The following SNX31 variants were observed in gnomAD, a reference collection of about 807,000 sequenced individuals.
The protein encoded by SNX31 is sorting nexin-31.
In SNX31, 58 loss-of-function variants were observed where a neutral mutation model predicts 65.4. That is an observed-to-expected ratio of 0.89 (90% CI 0.72 to 1.10). The LOEUF (loss-of-function observed/expected upper bound fraction) is 1.10, where lower values mean the gene tolerates loss of function less well. Among genes scored for constraint, SNX31 ranks in the 50% least tolerant of loss-of-function variants. The pLI is 0.00. For synonymous variants in SNX31, 181 were observed against 190.1 expected, an observed-to-expected ratio of 0.95 and a Z score of 0.39; for missense variants, 523 against 529.7, an observed-to-expected ratio of 0.99 and a Z score of 0.12.
chr8:100,649,499 A>ATGCTGG lies in SNX31; in HGVS notation c.15_16insCCAGCA (p.Phe5_Cys6insProAla). 1 of 1,576,370 alleles carries ATGCTGG rather than the reference A, an allele frequency of 6.3e-7. No individual in the cohort carries two copies. Among genetic ancestry groups the ATGCTGG allele is most frequent in the South Asian group, 1.2e-5 (1 of 86,156 alleles). ...GACCGCTGCTGGGACACCGGGATAC[A>ATGCTGG]GAAATGCATCTTCATGGCTGAGCGG... On this transcript the variant is annotated inframe_insertion, in exon 1 of 14. Transcript: ENST00000311812.
chr8:100,606,279 C>T (rs1265767828), intron 8 of SNX31, among the ~76,000 whole-genome samples: 3 of 152,180 alleles, frequency 2.0e-5, no homozygotes, highest in African/African-American at 7.2e-5. Context: ...AAGTAATCCA[C>T]CTGCTTCAGC....
rs181991121 is a variant in SNX31, at chr8:100,573,156, A to T, written c.*709T>A. Reference sequence around the variant, plus strand: ...GGTGCAGAGCCTTATTGCTTTCCAAATTAAAACATTCCAAATAGCATGTTG... The same window carrying T: ...GGTGCAGAGCCTTATTGCTTTCCAATTTAAAACATTCCAAATAGCATGTTG... On this transcript the variant is annotated 3_prime_UTR_variant, in exon 14 of 14. Transcript: ENST00000311812. 1.2e-4 allele frequency: 18 copies of T among 149,208 alleles called. No homozygotes were observed. Among genetic ancestry groups the T allele is most frequent in the African/African-American group, 4.7e-4 (18 of 38,232 alleles). 9.2% of individuals were successfully genotyped at this position (149,208 alleles called of 1,614,324 possible). A position where few individuals can be genotyped will look rare whatever the true frequency, so the allele number is the denominator to read the frequency against.
At chr8:100,593,428 G>A (rs1814769536) in intron 10 of SNX31, among the ~76,000 whole-genome samples, 1 of 152,078 alleles carries the variant, frequency 6.6e-6, no homozygotes, top group Non-Finnish European at 1.5e-5. Context: ...TTGGGGATGG[G>A]GGGATAACCA....
intron 12 of SNX31, among the ~76,000 whole-genome samples, chr8:100,581,338 T>TATAC (rs1813523060): frequency 4.5e-5 from 5 of 111,780 alleles, no homozygotes; most frequent in African/African-American, 1.9e-4. Flanking sequence ...TCTATCTATC[T>TATAC]ATATATATAT....
In SNX31 at chr8:100,625,585, C is replaced by A. The variant is rs1373811672; in HGVS notation, c.321+4742G>T. Among the ~76,000 whole-genome samples, 1 of 152,124 alleles carries A rather than the reference C, an allele frequency of 6.6e-6. No individual in the cohort carries two copies. Among genetic ancestry groups the A allele is most frequent in the Admixed American group, 6.5e-5 (1 of 15,268 alleles). Reference sequence around the variant, plus strand: ...CTCTGTCCTGCCCTCTCTTTAGAAGCAAACAGAAAACAATGAAAAGGAAAG... The same window carrying A: ...CTCTGTCCTGCCCTCTCTTTAGAAGAAAACAGAAAACAATGAAAAGGAAAG... On this transcript the variant is annotated intron_variant, in intron 4 of 13. Coordinates refer to ENST00000311812, the MANE Select transcript of SNX31 (RefSeq NM_152628.4). The surrounding 1 kb of genome is among the most constrained non-coding windows in gnomAD (Gnocchi z 4.2).
rs1157979555 is a variant in SNX31 at position 100,573,192 on chromosome 8, T to TGAAG, written c.*672_*673insCTTC. ...CCAAATAGCATGTTGATTATTGAACTGCCTTCAGTACTCTAAGGACAGAAT... is the reference window on the plus strand; with the variant it reads ...CCAAATAGCATGTTGATTATTGAACTGAAGGCCTTCAGTACTCTAAGGACAGAAT... On this transcript the variant is annotated 3_prime_UTR_variant, in exon 14 of 14. Coordinates refer to ENST00000311812, the MANE Select transcript of SNX31 (RefSeq NM_152628.4). 13 of 149,224 alleles carry TGAAG rather than the reference T, an allele frequency of 8.7e-5. No individual in the cohort carries two copies. Among genetic ancestry groups the TGAAG allele is most frequent in the Non-Finnish European group, 1.6e-4 (11 of 68,012 alleles). 9.2% of individuals were successfully genotyped at this position (149,224 alleles called of 1,614,324 possible).
rs1819757074 is a variant in SNX31, at chr8:100,648,036, T to C, written c.141+1238A>G. Among the ~76,000 whole-genome samples the C allele has an allele frequency of 6.6e-6, 1 of 152,250 alleles. No individual in the cohort carries two copies. The highest frequency in any genetic ancestry group is 1.5e-5 in the Non-Finnish European group (1 of 68,050). ...AAAGATGACCACTCAAATTAACTAG[T>C]AACCACATTACAACTGTTCTTGGTT... is the stretch of plus-strand genomic sequence containing the variant. On this transcript the variant is annotated intron_variant, in intron 2 of 13. Coordinates refer to ENST00000311812, the MANE Select transcript of SNX31 (RefSeq NM_152628.4). This position sits in a 1 kb window ranked among gnomAD's most constrained non-coding sequence, Gnocchi z 4.3.
chr8:100,646,892 T>C (rs893633506), intron 2 of SNX31, among the ~76,000 whole-genome samples: 4 of 152,246 alleles, frequency 2.6e-5, no homozygotes, highest in African/African-American at 7.2e-5. Flanking sequence ...ATTAATGTAA[T>C]AGGTCAGAGC....
chr8:100,608,259 G>A (rs1162443902), intron 8 of SNX31, among the ~76,000 whole-genome samples: 1 of 152,088 alleles, frequency 6.6e-6, no homozygotes, highest in African/African-American at 2.4e-5. Context: ...CTGCTATTTA[G>A]AGCTCAAACT....
At chr8:100,621,621 A>C (rs983290478) in intron 4 of SNX31, among the ~76,000 whole-genome samples, 3 of 152,136 alleles carry the variant, frequency 2.0e-5, no homozygotes, top group Non-Finnish European at 2.9e-5. Flanking sequence ...GGCTCCTTAC[A>C]AGTCTCCTTG....
intron 10 of SNX31, 43 bp from the exon 11 acceptor site, chr8:100,589,022 C>T (rs778857528): frequency 2.0e-6 from 3 of 1,516,782 alleles, no homozygotes; most frequent in African/African-American, 1.4e-5. Context: ...ATTTAAATGC[C>T]TATTAATTTG....
At chr8:100,584,836 G>A (rs892348739) in intron 11 of SNX31, among the ~76,000 whole-genome samples, 10 of 144,206 alleles carry the variant, frequency 6.9e-5, no homozygotes, top group Non-Finnish European at 1.3e-4. Flanking sequence ...TGCAACCCCC[G>A]CCTCCTTGGT....
intron 8 of SNX31, 40 bp from the exon 9 acceptor site, chr8:100,600,481 G>A (rs749602050): frequency 6.5e-7 from 1 of 1,531,510 alleles, no homozygotes; most frequent in Non-Finnish European, 9.0e-7. Context: ...AGTCTTAGCA[G>A]AAATTAATCA....
At position 100,613,352 on chromosome 8, in the gene SNX31, A is replaced by T. The variant is rs1443582213; in HGVS notation, c.433-267T>A. On this transcript the variant is annotated intron_variant, in intron 5 of 13. Transcript: ENST00000311812. The surrounding 1 kb of genome is among the most constrained non-coding windows in gnomAD (Gnocchi z 5.2). Reference sequence around the variant, plus strand: ...GCCCCAAGTTGAGGTTGGTCATCCCATCTCAGATGTGGACTCACTCCCGGA... The same window carrying T: ...GCCCCAAGTTGAGGTTGGTCATCCCTTCTCAGATGTGGACTCACTCCCGGA... Among the ~76,000 whole-genome samples the T allele has an allele frequency of 1.3e-5, 2 of 152,196 alleles. No homozygotes were observed. The highest frequency in any genetic ancestry group is 4.8e-5 in the African/African-American group (2 of 41,446).
chr8:100,581,426 C>T (rs1423752532), intron 12 of SNX31, among the ~76,000 whole-genome samples: 1 of 149,638 alleles, frequency 6.7e-6, no homozygotes, highest in Admixed American at 6.7e-5. Flanking sequence ...TTTGCTTGAC[C>T]CAAATTTTAA....
chr8:100,584,019 G>T, intron 12 of SNX31, 92 bp downstream of exon 12: 2 of 1,131,832 alleles, frequency 1.8e-6, no homozygotes, highest in Non-Finnish European at 2.6e-6. Context: ...AGACCTGCTG[G>T]CTCAGGGAGC....
rs1434519340 is a variant in SNX31 at position 100,576,537 on chromosome 8, T to C, written c.1227+482A>G. ...AGGAATGTGTTAATTCACATAAAAG[T>C]GCTTAGAATACTGCCTGGCAATAAT... On this transcript the variant is annotated intron_variant, in intron 13 of 13. Transcript: ENST00000311812. This position sits in a 1 kb window ranked among gnomAD's most constrained non-coding sequence, Gnocchi z 4.8. Among the ~76,000 whole-genome samples the C allele has an allele frequency of 6.6e-6, 1 of 152,210 alleles. No individual in the cohort carries two copies. Among genetic ancestry groups the C allele is most frequent in the East Asian group, 1.9e-4 (1 of 5,198 alleles).
intron 10 of SNX31, among the ~76,000 whole-genome samples, chr8:100,591,134 A>T (rs186056806): frequency 1.7e-3 from 253 of 152,302 alleles, no homozygotes; most frequent in African/African-American, 5.6e-3. Context: ...CTACGCGTGT[A>T]TAGAGTAAAC....
chr8:100,580,177 A>G (rs1054720386), intron 12 of SNX31, among the ~76,000 whole-genome samples: 1 of 146,552 alleles, frequency 6.8e-6, no homozygotes, highest in South Asian at 2.2e-4. Context: ...AAAAAAAAAA[A>G]CAGTCTTTTT....
Sources: allele counts gnomAD v4.1 joint callset (sites outside exome capture counted in the v4.1 genomes callset), GRCh38; gene constraint gnomAD v4.1.1; non-coding constraint Gnocchi (gnomAD v3.1); transcripts MANE v1.5; gene names NCBI Gene and HGNC (gene_info 2026-07-23, HGNC 2026-07-21).